Variants in FAP observed in about 807,000 individuals in gnomAD.
The protein encoded by FAP is fibroblast activation protein alpha, also known as prolyl endopeptidase FAP.
Under a neutral mutation model 126.5 loss-of-function variants are expected in FAP, and 110 were observed. The observed-to-expected ratio is 0.87, with a 90% CI of 0.74 to 1.02. The LOEUF (loss-of-function observed/expected upper bound fraction) is 1.02, where lower values mean the gene tolerates loss of function less well. Among genes scored for constraint, FAP ranks in the 50% least tolerant of loss-of-function variants. The pLI is 0.00. For missense variants in FAP, 919 were observed against 909.2 expected, an observed-to-expected ratio of 1.01 and a Z score of -0.14; for synonymous variants, 334 against 297.3, an observed-to-expected ratio of 1.12 and a Z score of -1.27.
rs141777591 is a variant in FAP at position 162,188,255 on chromosome 2, T to C, written c.1728A>G (p.Gly576=). 4 of 1,613,256 alleles carry C rather than the reference T, an allele frequency of 2.5e-6. No individual in the cohort carries two copies. The African/African-American group carries it at 5.3e-5, about 22-fold the overall frequency. Residue 576 remains glycine (G), a synonymous_variant, in exon 20 of 26, where the codon GGA becomes GGG. Coordinates refer to ENST00000188790, the MANE Select transcript of FAP (RefSeq NM_004460.5). ...GGAGTTTGTCACCTTGGAAAGCTGT[T>C]CCTCGACCATCCACCAAGGCAATGA... The part of the protein sequence containing the change: ...GMVIALVDGR[G]TAFQGDKLLY...
chr2:162,228,607 T>C (rs1317926069), intron 2 of FAP, among the ~76,000 whole-genome samples: 1 of 152,192 alleles, frequency 6.6e-6, no homozygotes, highest in African/African-American at 2.4e-5. Flanking sequence ...AATAGAATTG[T>C]TATTCTATTT....
chr2:162,221,442 T>C (rs1689391531), intron 6 of FAP, among the ~76,000 whole-genome samples: 1 of 151,772 alleles, frequency 6.6e-6, no homozygotes, highest in African/African-American at 2.4e-5. Context: ...GGAGAATTGC[T>C]TAAACCCGGG....
intron 14 of FAP, among the ~76,000 whole-genome samples, chr2:162,202,286 G>A (rs1688528003): frequency 6.6e-6 from 1 of 152,242 alleles, no homozygotes; most frequent in Non-Finnish European, 1.5e-5. Flanking sequence ...CCATGTTCAG[G>A]TTGATAATAA....
At chr2:162,213,487 T>C (rs1224076885) in intron 11 of FAP, among the ~76,000 whole-genome samples, 3 of 152,102 alleles carry the variant, frequency 2.0e-5, no homozygotes, top group Non-Finnish European at 4.4e-5. Context: ...GAATTTTTAA[T>C]TTTTAATTTT....
chr2:162,188,125 C>G, intron 20 of FAP, 44 bp downstream of exon 20: 1 of 1,490,184 alleles, frequency 6.7e-7, no homozygotes, highest in Non-Finnish European at 9.3e-7. Flanking sequence ...GATTGCATGA[C>G]TTTTGTTGCA....
At chr2:162,196,642 T>C (rs544149351) in intron 16 of FAP, among the ~76,000 whole-genome samples, 1 of 152,266 alleles carries the variant, frequency 6.6e-6, no homozygotes, top group South Asian at 2.1e-4. Flanking sequence ...TTGCATGCTT[T>C]TGTTCCATCA....
intron 16 of FAP, among the ~76,000 whole-genome samples, chr2:162,197,212 A>G (rs1197724257): frequency 6.6e-6 from 1 of 152,230 alleles, no homozygotes; most frequent in Admixed American, 6.5e-5. Context: ...CCTCATATCT[A>G]TGTTAATTCC....
chr2:162,186,859 G>A (rs1687882092), intron 20 of FAP, among the ~76,000 whole-genome samples: 1 of 151,310 alleles, frequency 6.6e-6, no homozygotes, highest in South Asian at 2.1e-4. Flanking sequence ...GTCTTTATAG[G>A]AGAAACTGAT....
intron 3 of FAP, among the ~76,000 whole-genome samples, chr2:162,226,113 G>T (rs745942251): frequency 1.3e-5 from 2 of 152,010 alleles, no homozygotes. Context: ...TGAAAATACC[G>T]ATTTCATGAC....
chr2:162,189,604 G>C, intron 18 of FAP, 52 bp downstream of exon 18: 2 of 1,013,124 alleles, frequency 2.0e-6, no homozygotes, highest in African/African-American at 1.6e-5. Flanking sequence ...TTAAAAGCAA[G>C]AAAATTGCTC....
At chr2:162,212,270 C>G (rs565517002) in intron 11 of FAP, among the ~76,000 whole-genome samples, 1 of 152,094 alleles carries the variant, frequency 6.6e-6, no homozygotes, top group Non-Finnish European at 1.5e-5. Context: ...TTATAAATCT[C>G]ATTATGTTCA....
At chr2:162,178,726 G>C (rs1687576894) in intron 21 of FAP, among the ~76,000 whole-genome samples, 1 of 152,122 alleles carries the variant, frequency 6.6e-6, no homozygotes, top group Non-Finnish European at 1.5e-5. Context: ...GTGGGATTTG[G>C]AGCTTATTGA....
intron 12 of FAP, among the ~76,000 whole-genome samples, chr2:162,204,889 T>C (rs1376259480): frequency 6.6e-6 from 1 of 152,170 alleles, no homozygotes; most frequent in Non-Finnish European, 1.5e-5. Context: ...AGTTCCTATA[T>C]AATGAAACAC....
At chr2:162,181,658 G>C (rs1027598828) in intron 21 of FAP, among the ~76,000 whole-genome samples, 3 of 152,160 alleles carry the variant, frequency 2.0e-5, no homozygotes, top group African/African-American at 4.8e-5. Flanking sequence ...ACTCCACAGC[G>C]AGTTGCATCT....
intron 16 of FAP, among the ~76,000 whole-genome samples, chr2:162,195,867 C>T (rs74515859): frequency 1.3e-5 from 2 of 152,008 alleles, no homozygotes; most frequent in South Asian, 2.1e-4. Context: ...CCCCACCCCC[C>T]CCAGATAGGG....
chr2:162,178,877 G>A (rs897134923), intron 21 of FAP, among the ~76,000 whole-genome samples: 5 of 152,158 alleles, frequency 3.3e-5, no homozygotes, highest in Non-Finnish European at 7.3e-5. Flanking sequence ...AATTTTCAAT[G>A]TCTTTCTCTT....
rs769366467 is a variant in FAP, at chr2:162,209,952, T to C, written c.1047A>G (p.Gly349=). 1 of 1,612,546 alleles carries C rather than the reference T, an allele frequency of 6.2e-7. No individual in the cohort carries two copies. The highest frequency in any genetic ancestry group is 8.5e-7 in the Non-Finnish European group (1 of 1,179,218). ...TAAGAAAAAGATAGCAAAATCATAC[T>C]CCACCAGCCCATCCAGTTCTGCTTT... ...IEESRTGWAG[G]FFVSTPVFSY... is the part of the protein sequence containing the mutation. Residue 349 remains glycine, a splice_region_variant and synonymous_variant, in exon 12 of 26, where the codon GGA becomes GGG. Transcript: ENST00000188790.
At chr2:162,186,249 A>G (rs1420342673) in intron 20 of FAP, among the ~76,000 whole-genome samples, 1 of 152,138 alleles carries the variant, frequency 6.6e-6, no homozygotes, top group African/African-American at 2.4e-5. Context: ...ATATGGGTGA[A>G]CATATGTTTT....
intron 21 of FAP, among the ~76,000 whole-genome samples, chr2:162,177,151 T>C (rs748110904): frequency 6.6e-6 from 1 of 152,236 alleles, no homozygotes; most frequent in African/African-American, 2.4e-5. Flanking sequence ...ACAGAGCAGA[T>C]TGGCCATGAG....
Sources: allele counts gnomAD v4.1 joint callset (sites outside exome capture counted in the v4.1 genomes callset), GRCh38; gene constraint gnomAD v4.1.1; transcripts MANE v1.5; gene names NCBI Gene and HGNC (gene_info 2026-07-23, HGNC 2026-07-21).